Variants in IQCJ observed in about 807,000 individuals in gnomAD.
The protein encoded by IQCJ is IQ motif containing J, also known as IQ domain-containing protein J.
Under a neutral mutation model 11.0 loss-of-function variants are expected in IQCJ, and 9 were observed. The observed-to-expected ratio is 0.82, with a 90% CI of 0.49 to 1.43. The LOEUF is 1.43. IQCJ is among the 40% of genes most tolerant of loss of function. The pLI is 0.00. For missense variants in IQCJ, 146 were observed against 133.2 expected (o/e 1.10, Z -0.47); for synonymous variants, 55 against 51.3 (o/e 1.07, Z -0.31).
intron 1 of IQCJ, among the ~76,000 whole-genome samples, chr3:159,244,415 A>C (rs2108191350): frequency 6.6e-6 from 1 of 152,230 alleles, no homozygotes. Flanking sequence ...CACGTGGGGA[A>C]GAAATGGCCA....
chr3:159,143,077 G>T (rs1577037058), intron 1 of IQCJ, among the ~76,000 whole-genome samples: 1 of 152,280 alleles, frequency 6.6e-6, no homozygotes, highest in Non-Finnish European at 1.5e-5. Context: ...CATCAAGTGT[G>T]TACAGTCATA....
chr3:159,264,150 G>A (rs778639686), downstream of IQCJ, among the ~76,000 whole-genome samples: 3 of 152,082 alleles, frequency 2.0e-5, no homozygotes, highest in Non-Finnish European at 2.9e-5. Flanking sequence ...TACTTTTTTT[G>A]TACCTTCTCA....
intron 1 of IQCJ, among the ~76,000 whole-genome samples, chr3:159,188,923 C>G (rs531792779): frequency 6.6e-6 from 1 of 152,262 alleles, no homozygotes; most frequent in Admixed American, 6.5e-5. Flanking sequence ...ATACCTTAAA[C>G]TAGAATCTGA....
intron 3 of IQCJ, among the ~76,000 whole-genome samples, chr3:159,254,131 T>C (rs1727760722): frequency 6.6e-6 from 1 of 152,248 alleles, no homozygotes; most frequent in South Asian, 2.1e-4. Flanking sequence ...ATAGGTTGCT[T>C]TATCATTAGG....
intron 1 of IQCJ, among the ~76,000 whole-genome samples, chr3:159,114,654 C>G (rs1431896690): frequency 6.6e-6 from 1 of 152,094 alleles, no homozygotes; most frequent in Non-Finnish European, 1.5e-5. Flanking sequence ...ATTCGGAACT[C>G]CCTTTGCACT....
At chr3:159,190,937 C>T (rs1381437130) in intron 1 of IQCJ, among the ~76,000 whole-genome samples, 1 of 152,152 alleles carries the variant, frequency 6.6e-6, no homozygotes, top group Non-Finnish European at 1.5e-5. Context: ...AATAAACCTC[C>T]ACATTGCAAT....
At chr3:159,107,998 T>C (rs75957911) in intron 1 of IQCJ, among the ~76,000 whole-genome samples, 9,189 of 100,390 alleles carry the variant, frequency 0.092, 555 homozygotes, top group East Asian at 0.41. Context: ...GTTGCACCTA[T>C]GGTTTTCCAA....
chr3:159,180,032 C>T (rs145775337), intron 1 of IQCJ, among the ~76,000 whole-genome samples: 19 of 152,158 alleles, frequency 1.2e-4, no homozygotes, highest in Non-Finnish European at 2.1e-4. Flanking sequence ...TTAGAAGAAG[C>T]AAAGCTTTCA....
chr3:159,230,009 A>G (rs2108148731), intron 1 of IQCJ, among the ~76,000 whole-genome samples: 1 of 150,578 alleles, frequency 6.6e-6, no homozygotes, highest in South Asian at 2.1e-4. Flanking sequence ...CATACTAACC[A>G]ATAGGTACTT....
At chr3:159,090,107 G>A (rs1057460007) in intron 1 of IQCJ, among the ~76,000 whole-genome samples, 44 of 151,776 alleles carry the variant, frequency 2.9e-4, no homozygotes, top group Non-Finnish European at 5.3e-4. Flanking sequence ...TGGTGTGGAT[G>A]TCCTTTCTGT....
At position 159,242,037 on chromosome 3, in the gene IQCJ, G is replaced by T. The variant is rs191105976; in HGVS notation, c.10-3806G>T. Among the ~76,000 whole-genome samples the T allele has an allele frequency of 2.6e-5, 4 of 152,272 alleles. No homozygotes were observed. The East Asian group carries it at 7.7e-4, about 29-fold the overall frequency. On this transcript the variant is annotated intron_variant, in intron 1 of 3. Coordinates refer to ENST00000397832, the MANE Select transcript of IQCJ (RefSeq NM_001042706.3). Reference sequence around the variant, plus strand: ...TGAGGGTAATGTTGATTGTAATTGTGCACAGAATTAATGTTCTGTGTACAA... The same window carrying T: ...TGAGGGTAATGTTGATTGTAATTGTTCACAGAATTAATGTTCTGTGTACAA...
intron 1 of IQCJ, among the ~76,000 whole-genome samples, chr3:159,183,192 G>A (rs1448296847): frequency 6.6e-6 from 1 of 152,082 alleles, no homozygotes; most frequent in African/African-American, 2.4e-5. Flanking sequence ...AGTTAGAAAA[G>A]GATGAAAGGA....
intron 1 of IQCJ, among the ~76,000 whole-genome samples, chr3:159,209,992 G>A (rs751399514): frequency 5.3e-5 from 8 of 152,172 alleles, no homozygotes; most frequent in Non-Finnish European, 1.0e-4. Flanking sequence ...GAAGCTAACT[G>A]TGAGGACAGA....
intron 1 of IQCJ, among the ~76,000 whole-genome samples, chr3:159,199,763 T>G (rs986653054): frequency 1.3e-5 from 2 of 151,908 alleles, no homozygotes; most frequent in African/African-American, 4.8e-5. Context: ...TGATACTGGG[T>G]CACAATGGTC....
At chr3:159,102,948 A>G (rs1718023855) in intron 1 of IQCJ, among the ~76,000 whole-genome samples, 1 of 152,212 alleles carries the variant, frequency 6.6e-6, no homozygotes, top group African/African-American at 2.4e-5. Context: ...TATAAAAGCT[A>G]CATAAAATGA....
chr3:159,133,309 T>C (rs1720102328), intron 1 of IQCJ, among the ~76,000 whole-genome samples: 1 of 152,244 alleles, frequency 6.6e-6, no homozygotes, highest in East Asian at 1.9e-4. Context: ...AATAACATTG[T>C]GTCAGCTTCA....
At chr3:159,087,912 A>G (rs1237870218) in intron 1 of IQCJ, among the ~76,000 whole-genome samples, 2 of 146,518 alleles carry the variant, frequency 1.4e-5, no homozygotes, top group Admixed American at 6.8e-5. Context: ...TTGTGTCTCT[A>G]TTTCCTTCAG....
chr3:159,220,150 A>G (rs1049926581), intron 1 of IQCJ, among the ~76,000 whole-genome samples: 4 of 152,094 alleles, frequency 2.6e-5, no homozygotes, highest in Non-Finnish European at 4.4e-5. Context: ...TTTAAAAGGT[A>G]TCTTCTGCAG....
At chr3:159,135,973 G>A (rs1264959103) in intron 1 of IQCJ, among the ~76,000 whole-genome samples, 1 of 152,100 alleles carries the variant, frequency 6.6e-6, no homozygotes, top group Non-Finnish European at 1.5e-5. Context: ...TTTAATCCTT[G>A]TACCACCCAA....
Sources: gnomAD v4.1 joint callset for allele counts (sites outside exome capture counted in the v4.1 genomes callset) on GRCh38, gnomAD v4.1.1 for gene constraint, MANE v1.5 for transcripts, NCBI Gene and HGNC (gene_info 2026-07-23, HGNC 2026-07-21) for gene names.